The following CD300E variants were observed in gnomAD, a reference collection of about 807,000 sequenced individuals.
CD300E encodes CMRF35-like molecule 2.
Under a neutral mutation model 20.9 loss-of-function variants are expected in CD300E, and 14 were observed. The ratio of observed to expected loss-of-function variants is 0.67; its 90% confidence interval spans 0.44 to 1.05. CD300E has a LOEUF of 1.05. CD300E is among the 50% of genes least tolerant of loss of function. CD300E has a pLI of 0.00. For missense variants in CD300E, 237 were observed against 253.9 expected (o/e 0.93, Z 0.45); for synonymous variants, 102 against 103.7 (o/e 0.98, Z 0.10).
At chr17:74,616,694 C>G (rs1052451452) in intron 2 of CD300E, among the ~76,000 whole-genome samples, 1 of 152,120 alleles carries the variant, frequency 6.6e-6, no homozygotes, top group Admixed American at 6.5e-5. Context: ...AGAGTAGCTT[C>G]CACTCAAGAA....
At chr17:74,623,246 G>C (rs1378730946) in intron 1 of CD300E, among the ~76,000 whole-genome samples, 1 of 152,190 alleles carries the variant, frequency 6.6e-6, no homozygotes, top group South Asian at 2.1e-4. Context: ...CAAGAGCAAA[G>C]TGAGGGGTTC....
Position 74,612,646 on chromosome 17 carries a change from C to T in CD300E, c.*7G>A. 1 of 1,612,998 alleles carries T rather than the reference C, an allele frequency of 6.2e-7. No homozygotes were observed. Among genetic ancestry groups the T allele is most frequent in the East Asian group, 2.2e-5 (1 of 44,868 alleles). On this transcript the variant is annotated 3_prime_UTR_variant, in exon 4 of 4. Coordinates refer to ENST00000392619, the MANE Select transcript of CD300E (RefSeq NM_181449.3). ...GGGGCTCTGCAGGGCTTCGGGTCAG[C>T]CTGGCTCTATCTTCCAGGAGGAGCC...
intron 1 of CD300E, among the ~76,000 whole-genome samples, chr17:74,618,527 A>G (rs986077629): frequency 6.6e-6 from 1 of 152,104 alleles, no homozygotes; most frequent in Non-Finnish European, 1.5e-5. Context: ...TCCTATGACT[A>G]TCTGGGCTCC....
At position 74,614,033 on chromosome 17, in the gene CD300E, G is replaced by T. The variant is rs755648011; in HGVS notation, c.389C>A (p.Ala130Glu). The change falls in exon 3 of 4, where the codon GCA (alanine) becomes GAA (glutamate). Residue 130 changes from alanine (A) to glutamate (E), a missense_variant and splice_region_variant. Coordinates refer to ENST00000392619, the MANE Select transcript of CD300E (RefSeq NM_181449.3). ...SDLVRVYVSP[A>E]ITTPRRTTHP... ...TGTGGTCCTCCTTGGGGTTGTAATT[G>T]CTGTTGGAGATGAAAATGATGCATC... is the stretch of plus-strand genomic sequence containing the variant. 10 of 1,612,490 alleles carry T rather than the reference G, an allele frequency of 6.2e-6. No individual in the cohort carries two copies. Among genetic ancestry groups the T allele is most frequent in the Admixed American group, 3.3e-5 (2 of 59,982 alleles).
chr17:74,623,116 C>T (rs73995690), intron 1 of CD300E, among the ~76,000 whole-genome samples: 3 of 152,186 alleles, frequency 2.0e-5, no homozygotes, highest in Non-Finnish European at 4.4e-5. Flanking sequence ...AATTCTTGAA[C>T]TCTCCATGGT....
At position 74,612,519 on chromosome 17, in the gene CD300E, A is replaced by G; in HGVS notation, c.*134T>C. 7.9e-7 allele frequency: 1 copy of G among 1,269,730 alleles called. No homozygotes were observed. Among genetic ancestry groups the G allele is most frequent in the South Asian group, 1.4e-5 (1 of 71,068 alleles). The allele number at this position is 1,269,730 out of a possible 1,614,324, so 78.7% of individuals were successfully genotyped here. A position where few individuals can be genotyped will look rare whatever the true frequency, so the allele number is the denominator to read the frequency against. ...AGAGGAGTGTCCTCTAAGAGCCAGG[A>G]CCCTCCTTTGAGGCACAGGAACAAT... On this transcript the variant is annotated 3_prime_UTR_variant, in exon 4 of 4. Coordinates refer to ENST00000392619, the MANE Select transcript of CD300E (RefSeq NM_181449.3).
rs2030895667 is a variant in CD300E, at chr17:74,616,202, A to G, written c.388+916T>C. 2.0e-5 allele frequency among the ~76,000 whole-genome samples: 3 copies of G among 152,144 alleles called. No homozygotes were observed. In the South Asian group the frequency reaches 6.2e-4, roughly 32 times the overall value. On this transcript the variant is annotated intron_variant, in intron 2 of 3. Coordinates refer to ENST00000392619, the MANE Select transcript of CD300E (RefSeq NM_181449.3). ...TTGGCGGAAATGGAGGGATCAGAAGACAGAAGGTCACTGTGAGGTTGAGAA... is the reference window on the plus strand; with the variant it reads ...TTGGCGGAAATGGAGGGATCAGAAGGCAGAAGGTCACTGTGAGGTTGAGAA...
At chr17:74,619,208 G>C (rs1459795193) in intron 1 of CD300E, 1 of 465,254 alleles carries the variant, frequency 2.1e-6, no homozygotes, top group African/African-American at 2.0e-5. Context: ...GTGGGAGCTT[G>C]GCAGGGTACA....
At position 74,612,505 on chromosome 17, in the gene CD300E, C is replaced by A; in HGVS notation, c.*148G>T. 8.9e-7 allele frequency: 1 copy of A among 1,129,906 alleles called. No individual in the cohort carries two copies. The highest frequency in any genetic ancestry group is 1.5e-5 in the South Asian group (1 of 67,188). 70.0% of individuals were successfully genotyped at this position (1,129,906 alleles called of 1,614,324 possible). A position where few individuals can be genotyped will look rare whatever the true frequency, so the allele number is the denominator to read the frequency against. On this transcript the variant is annotated 3_prime_UTR_variant, in exon 4 of 4. Coordinates refer to ENST00000392619, the MANE Select transcript of CD300E (RefSeq NM_181449.3). The stretch of plus-strand genomic sequence containing the variant: ...ACATTGAGGACTCCAGAGGAGTGTC[C>A]TCTAAGAGCCAGGACCCTCCTTTGA...
rs577142571 is a variant in CD300E at position 74,616,980 on chromosome 17, A to G, written c.388+138T>C. The G allele has an allele frequency of 1.1e-5, 8 of 753,180 alleles. No individual in the cohort carries two copies. In the East Asian group the frequency reaches 2.1e-4, roughly 20 times the overall value. 46.7% of individuals were successfully genotyped at this position (753,180 alleles called of 1,614,324 possible). A position where few individuals can be genotyped will look rare whatever the true frequency, so the allele number is the denominator to read the frequency against. On this transcript the variant is annotated intron_variant, in intron 2 of 3. Coordinates refer to ENST00000392619, the MANE Select transcript of CD300E (RefSeq NM_181449.3). ...GGATCAGCCGCCTCTCTCCATGCCC[A>G]TGCCATAGGCTCCTCCCAACACCAC...
chr17:74,620,344 G>A (rs1200723473), intron 1 of CD300E, among the ~76,000 whole-genome samples: 2 of 152,092 alleles, frequency 1.3e-5, no homozygotes, highest in East Asian at 1.9e-4. Flanking sequence ...TAGTGGCGGG[G>A]GCCTATAATC....
At chr17:74,621,014 GC>G (rs754605575) in intron 1 of CD300E, among the ~76,000 whole-genome samples, 54 of 152,112 alleles carry the variant, frequency 3.6e-4, no homozygotes, top group Non-Finnish European at 5.6e-4. Flanking sequence ...CTGCACTCCA[GC>G]CTGGGTGACA....
rs369436253 is a variant in CD300E, at chr17:74,617,281, G to A, written c.225C>T (p.Arg75=). 48 of 1,614,040 alleles carry A rather than the reference G, an allele frequency of 3.0e-5. 1 individual carries two copies. The South Asian group carries it at 4.2e-4, about 14-fold the overall frequency. ...KGEEKVERNG[R]VSIRDHPEAL... ...CCTCCGGGTGGTCTCTGATGGACAC[G>A]CGGCCATTCCTCTCCACCTTCTCTT... is the stretch of plus-strand genomic sequence containing the variant. Residue 75 remains arginine (R), a synonymous_variant, in exon 2 of 4, where the codon CGC becomes CGT. Transcript: ENST00000392619.
intron 1 of CD300E, among the ~76,000 whole-genome samples, chr17:74,620,300 C>T (rs531788839): frequency 3.3e-5 from 5 of 151,932 alleles, no homozygotes; most frequent in Admixed American, 3.3e-4. Context: ...GGTGAAACCC[C>T]GTCTATATTA....
rs1302766217 is a variant in CD300E, at chr17:74,618,987, C to T, written c.41-1522G>A. 9.0e-6 allele frequency: 4 copies of T among 445,522 alleles called. No individual in the cohort carries two copies. The East Asian group carries it at 2.8e-4, about 32-fold the overall frequency. 27.6% of individuals were successfully genotyped at this position (445,522 alleles called of 1,614,324 possible). On this transcript the variant is annotated intron_variant, in intron 1 of 3. Transcript: ENST00000392619. ...CCTTCCTCGCTCTGGATGCTGTGCCCTCAGGAATCTTCCCATTCCCAAATC... is the reference window on the plus strand; with the variant it reads ...CCTTCCTCGCTCTGGATGCTGTGCCTTCAGGAATCTTCCCATTCCCAAATC...
rs144402090 is a variant in CD300E, at chr17:74,612,560, C to A, written c.*93G>T. ...CAGGAACAATAAATCCCTCCAGAGT[C>A]CACAGGTCTCTCGCATCCAGTCTGA... On this transcript the variant is annotated 3_prime_UTR_variant, in exon 4 of 4. Coordinates refer to ENST00000392619, the MANE Select transcript of CD300E (RefSeq NM_181449.3). 74 of 1,520,686 alleles carry A rather than the reference C, an allele frequency of 4.9e-5. 2 individuals carry two copies. In the East Asian group the frequency reaches 8.4e-4, roughly 17 times the overall value. 94.2% of individuals were successfully genotyped at this position (1,520,686 alleles called of 1,614,324 possible). A position where few individuals can be genotyped will look rare whatever the true frequency, so the allele number is the denominator to read the frequency against.
chr17:74,612,635 C>T lies in CD300E; in HGVS notation c.*18G>A. ...CTCCTGGGGATGGGGCTCTGCAGGG[C>T]TTCGGGTCAGCCTGGCTCTATCTTC... On this transcript the variant is annotated 3_prime_UTR_variant, in exon 4 of 4. Coordinates refer to ENST00000392619, the MANE Select transcript of CD300E (RefSeq NM_181449.3). The T allele has an allele frequency of 6.2e-7, 1 of 1,612,232 alleles. No individual in the cohort carries two copies. Among genetic ancestry groups the T allele is most frequent in the Non-Finnish European group, 8.5e-7 (1 of 1,179,618 alleles).
rs1333513473 is a variant in CD300E at position 74,613,949 on chromosome 17, C to T, written c.473G>A (p.Gly158Glu). ...CCCTGAATTTTGGGTCAACACCTCCCCGGTGCTGAGGTTTCGCCCAGGGTT... is the reference window on the plus strand; with the variant it reads ...CCCTGAATTTTGGGTCAACACCTCCTCGGTGCTGAGGTTTCGCCCAGGGTT... ...VVNPGRNLST[G>E]EVLTQNSGFR... The change falls in exon 3 of 4, where the codon GGG becomes GAG. Residue 158 changes from glycine (G) to glutamate (E), a missense_variant. Transcript: ENST00000392619. 2 of 1,613,664 alleles carry T rather than the reference C, an allele frequency of 1.2e-6. No homozygotes were observed. Among genetic ancestry groups the T allele is most frequent in the South Asian group, 2.2e-5 (2 of 90,962 alleles).
chr17:74,620,578 G>A (rs1456411642), intron 1 of CD300E, among the ~76,000 whole-genome samples: 7 of 152,122 alleles, frequency 4.6e-5, no homozygotes, highest in Admixed American at 1.3e-4. Context: ...GGGAGGCAGA[G>A]GTTTCAGTGA....
Sources: allele counts gnomAD v4.1 joint callset (sites outside exome capture counted in the v4.1 genomes callset), GRCh38; gene constraint gnomAD v4.1.1; transcripts MANE v1.5; gene names NCBI Gene and HGNC (gene_info 2026-07-23, HGNC 2026-07-21).